The following PLD5 variants were observed in gnomAD, a reference collection of about 807,000 sequenced individuals.
PLD5 encodes phospholipase D family member 5, also known as inactive phospholipase D5.
Under a neutral mutation model 61.1 loss-of-function variants are expected in PLD5, and 36 were observed. That is an observed-to-expected ratio of 0.59 (90% CI 0.45 to 0.78). PLD5 has a LOEUF of 0.78. Among genes scored for constraint, PLD5 ranks in the 30% least tolerant of loss-of-function variants. PLD5 has a pLI of 0.00. For synonymous variants in PLD5, 243 were observed against 242.8 expected (o/e 1.00, Z -0.01); for missense variants, 515 against 644.4 (o/e 0.80, Z 2.17).
chr1:242,414,884 T>C (rs1015364147), intron 1 of PLD5, among the ~76,000 whole-genome samples: 3 of 152,260 alleles, frequency 2.0e-5, no homozygotes, highest in Admixed American at 1.3e-4. Flanking sequence ...GTATCACAGA[T>C]GAAGGGGTTG....
chr1:242,143,802 A>C (rs2574682), intron 5 of PLD5, among the ~76,000 whole-genome samples: 91,234 of 151,896 alleles, frequency 0.6, 28,193 homozygotes, highest in African/African-American at 0.74. Context: ...ATATGCCCCA[A>C]ATGACGACAT....
intron 5 of PLD5, among the ~76,000 whole-genome samples, chr1:242,203,063 A>G (rs1254314979): frequency 6.6e-6 from 1 of 152,226 alleles, no homozygotes; most frequent in Non-Finnish European, 1.5e-5. Flanking sequence ...TGATTCCAGA[A>G]AGCCAAACAA....
At chr1:242,193,683 A>G (rs924414201) in intron 5 of PLD5, among the ~76,000 whole-genome samples, 1 of 152,208 alleles carries the variant, frequency 6.6e-6, no homozygotes, top group Non-Finnish European at 1.5e-5. Flanking sequence ...TTCATTCTCC[A>G]TAGACTGGAG....
intron 5 of PLD5, among the ~76,000 whole-genome samples, chr1:242,125,440 T>G (rs1375375854): frequency 6.6e-6 from 1 of 152,122 alleles, no homozygotes; most frequent in Non-Finnish European, 1.5e-5. Flanking sequence ...AGAGATTTAG[T>G]CAGTGGTAAA....
chr1:242,265,112 G>T (rs1165281356), intron 4 of PLD5, among the ~76,000 whole-genome samples: 1 of 152,084 alleles, frequency 6.6e-6, no homozygotes, highest in East Asian at 1.9e-4. Flanking sequence ...TTGACCAGTA[G>T]ATTATTTTGC....
intron 4 of PLD5, among the ~76,000 whole-genome samples, chr1:242,241,908 T>TATATATATAC (rs1553334435): frequency 4.6e-5 from 2 of 43,196 alleles, no homozygotes; most frequent in Non-Finnish European, 4.5e-5. Context: ...TATATATATA[T>TATATATATAC]ATACTTACTG....
chr1:242,184,058 G>A (rs1667714506), intron 5 of PLD5, among the ~76,000 whole-genome samples: 2 of 152,242 alleles, frequency 1.3e-5, no homozygotes, highest in Non-Finnish European at 2.9e-5. Flanking sequence ...ACGCACTAAT[G>A]GGATGTGTGG....
intron 8 of PLD5, among the ~76,000 whole-genome samples, chr1:242,103,479 C>A (rs570255610): frequency 2.0e-5 from 3 of 152,346 alleles, no homozygotes; most frequent in African/African-American, 7.2e-5. Context: ...GACACCTGTT[C>A]TTTTTCTCAC....
At chr1:242,487,072 C>T (rs530768734) in intron 1 of PLD5, among the ~76,000 whole-genome samples, 23 of 150,816 alleles carry the variant, frequency 1.5e-4, no homozygotes, top group African/African-American at 5.6e-4. Flanking sequence ...GGGGTGGCAG[C>T]AGGGGGGAGG....
chr1:242,232,357 G>C (rs982043506), intron 4 of PLD5, among the ~76,000 whole-genome samples: 3 of 152,050 alleles, frequency 2.0e-5, no homozygotes, highest in Admixed American at 6.5e-5. Context: ...GAAGATAAAA[G>C]TATTTTGCTT....
intron 3 of PLD5, among the ~76,000 whole-genome samples, chr1:242,283,883 G>A (rs1674861550): frequency 6.6e-6 from 1 of 152,016 alleles, no homozygotes; most frequent in South Asian, 2.1e-4. Context: ...TTAAATCAAA[G>A]TAGCTTTCAG....
chr1:242,157,027 T>C (rs1378421692), intron 5 of PLD5, among the ~76,000 whole-genome samples: 2 of 152,156 alleles, frequency 1.3e-5, no homozygotes, highest in South Asian at 2.1e-4. Flanking sequence ...CATAGTTCCA[T>C]ATTTCTTGGA....
chr1:242,370,385 G>C (rs1661565872), intron 1 of PLD5, among the ~76,000 whole-genome samples: 1 of 152,160 alleles, frequency 6.6e-6, no homozygotes, highest in Admixed American at 6.6e-5. Context: ...ACTCTTAAGA[G>C]AGTCTCTGCC....
At chr1:242,484,612 C>A (rs1358441749) in intron 1 of PLD5, among the ~76,000 whole-genome samples, 1 of 152,186 alleles carries the variant, frequency 6.6e-6, no homozygotes, top group Non-Finnish European at 1.5e-5. Context: ...AGATTCACAG[C>A]TGAATTCTAC....
rs544179764 is a variant in PLD5, at chr1:242,109,606, C to T, written c.1071-1767G>A. On this transcript the variant is annotated intron_variant, in intron 7 of 9. Coordinates refer to ENST00000536534, the MANE Select transcript of PLD5 (RefSeq NM_001372062.1). ...TTGCCCCCTCTCCAGTTAGATCTCT[C>T]ACCACCTTACCTTGAGCTCTTTTTC... 2.4e-4 allele frequency among the ~76,000 whole-genome samples: 36 copies of T among 152,374 alleles called. No homozygotes were observed. The South Asian group carries it at 7.2e-3, about 31-fold the overall frequency.
intron 1 of PLD5, among the ~76,000 whole-genome samples, chr1:242,349,055 AAC>A (rs1425708385): frequency 6.6e-6 from 1 of 152,092 alleles, no homozygotes; most frequent in Non-Finnish European, 1.5e-5. Flanking sequence ...CTCCATCTCA[AAC>A]AAACAAACAA....
intron 1 of PLD5, among the ~76,000 whole-genome samples, chr1:242,352,906 A>G (rs901398047): frequency 1.3e-5 from 2 of 152,138 alleles, no homozygotes; most frequent in Non-Finnish European, 2.9e-5. Context: ...TTCTTCCCAT[A>G]GAGTTGAGTT....
intron 3 of PLD5, among the ~76,000 whole-genome samples, chr1:242,272,130 A>G (rs1238011347): frequency 1.3e-5 from 2 of 152,210 alleles, no homozygotes; most frequent in Admixed American, 6.5e-5. Flanking sequence ...TAAAAGTTAT[A>G]CGAAAAATGG....
intron 1 of PLD5, among the ~76,000 whole-genome samples, chr1:242,440,571 C>T (rs2810032): frequency 0.33 from 50,431 of 152,130 alleles, 8,979 homozygotes; most frequent in Non-Finnish European, 0.4. Context: ...GAGGGCCAAG[C>T]GGACCATATG....
Sources: allele counts gnomAD v4.1 joint callset (sites outside exome capture counted in the v4.1 genomes callset), GRCh38; gene constraint gnomAD v4.1.1; transcripts MANE v1.5; gene names NCBI Gene and HGNC (gene_info 2026-07-23, HGNC 2026-07-21).